SEMA3A: variants seen among roughly 807,000 people sequenced by gnomAD.
The protein encoded by SEMA3A is semaphorin 3A.
A neutral mutation model predicts 97.9 loss-of-function variants in SEMA3A; 29 were observed. That is an observed-to-expected ratio of 0.30 (90% CI 0.22 to 0.40). The LOEUF (loss-of-function observed/expected upper bound fraction) is 0.40. SEMA3A is among the 10% of genes least tolerant of loss of function. SEMA3A has a pLI of 1.00. For synonymous variants in SEMA3A, 321 were observed against 323.7 expected (o/e 0.99, Z 0.09); for missense variants, 763 against 951.3 (o/e 0.80, Z 2.60).
At position 84,110,609 on chromosome 7, in the gene SEMA3A, C is replaced by A; in HGVS notation, c.334-20G>T. 6.2e-7 allele frequency: 1 copy of A among 1,612,966 alleles called. No individual in the cohort carries two copies. The highest frequency in any genetic ancestry group is 8.5e-7 in the Non-Finnish European group (1 of 1,179,370). On this transcript the variant is annotated intron_variant, in intron 3 of 16. Transcript: ENST00000265362. ...TTCTTTCTGTAAGACAAAAGGAAAA[C>A]CAAAGAGTTTCAGCAATCAGCATGA...
intron 3 of SEMA3A, among the ~76,000 whole-genome samples, chr7:84,112,183 G>A (rs1473129351): frequency 6.6e-6 from 1 of 152,110 alleles, no homozygotes; most frequent in Non-Finnish European, 1.5e-5. Context: ...AAACACATAG[G>A]TGGCCACATA....
At chr7:84,240,527 GA>G (rs1799334608) in intron 3 of SEMA3A, among the ~76,000 whole-genome samples, 1 of 152,198 alleles carries the variant, frequency 6.6e-6, no homozygotes, top group African/African-American at 2.4e-5. Context: ...GGCCACGAGA[GA>G]GGGAAGATAA....
chr7:84,392,033 A>G (rs1803593947), intron 1 of SEMA3A, among the ~76,000 whole-genome samples: 1 of 152,028 alleles, frequency 6.6e-6, no homozygotes, highest in Non-Finnish European at 1.5e-5. Context: ...ATAATTTTTG[A>G]ATACAATGTG....
rs372829601 is a variant in SEMA3A at position 84,034,244 on chromosome 7, G to A, written c.667+12080C>T. Among the ~76,000 whole-genome samples, 13 of 152,150 alleles carry A rather than the reference G, an allele frequency of 8.5e-5. No individual in the cohort carries two copies. In the East Asian group the frequency reaches 2.3e-3, roughly 27 times the overall value. ...AGGGATCCGCCTGCCTCGGCCTCCC[G>A]AATTACTGAGATTACAGGCATGAGC... On this transcript the variant is annotated intron_variant, in intron 6 of 16. Transcript: ENST00000265362.
chr7:84,104,971 TTA>T (rs1320410689), intron 4 of SEMA3A, among the ~76,000 whole-genome samples: 1 of 152,154 alleles, frequency 6.6e-6, no homozygotes, highest in Non-Finnish European at 1.5e-5. Flanking sequence ...ACTATGGACT[TTA>T]ATCACATTTG....
chr7:84,425,796 C>A (rs1400068829), intron 1 of SEMA3A, among the ~76,000 whole-genome samples: 1 of 148,358 alleles, frequency 6.7e-6, no homozygotes, highest in South Asian at 2.1e-4. Flanking sequence ...TATGGTGAAA[C>A]CCCGTCTTTG....
intron 6 of SEMA3A, among the ~76,000 whole-genome samples, chr7:84,031,719 TC>T (rs1473440494): frequency 6.6e-6 from 1 of 151,758 alleles, no homozygotes; most frequent in African/African-American, 2.4e-5. Context: ...GCCTGTAATC[TC>T]AGCTACTCGG....
intron 1 of SEMA3A, among the ~76,000 whole-genome samples, chr7:84,425,265 T>TA (rs1804770559): frequency 8.1e-6 from 1 of 123,730 alleles, no homozygotes; most frequent in African/African-American, 3.2e-5. Context: ...AATATAATTT[T>TA]AAATATGTAT....
chr7:84,040,065 A>T (rs1792080851), intron 6 of SEMA3A, among the ~76,000 whole-genome samples: 2 of 152,166 alleles, frequency 1.3e-5, no homozygotes, highest in South Asian at 4.1e-4. Context: ...AAATTTAAAT[A>T]TTATATGACC....
intron 2 of SEMA3A, among the ~76,000 whole-genome samples, chr7:84,354,643 A>T (rs1466070537): frequency 6.6e-6 from 1 of 151,628 alleles, no homozygotes; most frequent in Non-Finnish European, 1.5e-5. Context: ...CACTGCAGAA[A>T]TTTTTCTGCC....
chr7:83,977,185 C>T lies in SEMA3A; in HGVS notation c.1664G>A (p.Arg555Gln). Residue 555 changes from arginine (R) to glutamine (Q), a missense_variant, in exon 15 of 17, where the codon CGA (arginine) becomes CAA (glutamine). Transcript: ENST00000265362. Reference sequence around the variant, plus strand: ...TGGGTCTCCATTTCTTATATCTTGTCGTCTTGTGCGTCTGAAGCAATTACA... The same window carrying T: ...TGGGTCTCCATTTCTTATATCTTGTTGTCTTGTGCGTCTGAAGCAATTACA... ...YFPTAKRRTR[R>Q]QDIRNGDPLT... 6.3e-7 allele frequency: 1 copy of T among 1,583,640 alleles called. No individual in the cohort carries two copies. Among genetic ancestry groups the T allele is most frequent in the Non-Finnish European group, 8.6e-7 (1 of 1,161,080 alleles).
intron 2 of SEMA3A, among the ~76,000 whole-genome samples, chr7:84,132,556 T>C (rs1444269454): frequency 6.6e-6 from 1 of 151,770 alleles, no homozygotes; most frequent in Non-Finnish European, 1.5e-5. Flanking sequence ...TGTAGATATA[T>C]ACATATATGA....
intron 15 of SEMA3A, among the ~76,000 whole-genome samples, chr7:83,966,166 T>A (rs541552342): frequency 6.6e-6 from 1 of 152,054 alleles, no homozygotes; most frequent in Non-Finnish European, 1.5e-5. Context: ...CCAGAAAACA[T>A]GTAAAAATAG....
At chr7:84,401,334 A>T (rs1282744100) in intron 1 of SEMA3A, among the ~76,000 whole-genome samples, 1 of 152,168 alleles carries the variant, frequency 6.6e-6, no homozygotes, top group Non-Finnish European at 1.5e-5. Flanking sequence ...AAATGATAAA[A>T]TGCTAACGAA....
chr7:83,995,092 G>A (rs1007492874), intron 12 of SEMA3A, among the ~76,000 whole-genome samples: 2 of 152,080 alleles, frequency 1.3e-5, no homozygotes, highest in African/African-American at 4.8e-5. Context: ...GGTGCCATCC[G>A]TCACCCCTTT....
At chr7:84,031,530 G>T (rs933368681) in intron 6 of SEMA3A, among the ~76,000 whole-genome samples, 1 of 151,906 alleles carries the variant, frequency 6.6e-6, no homozygotes, top group Non-Finnish European at 1.5e-5. Context: ...ATAACTTATT[G>T]TTTTTTGTAT....
chr7:84,045,210 T>C (rs73187453), intron 6 of SEMA3A, among the ~76,000 whole-genome samples: 7,330 of 152,004 alleles, frequency 0.048, 285 homozygotes, highest in East Asian at 0.19. Flanking sequence ...GCAGGAAAAC[T>C]AAGTGTGGCA....
intron 1 of SEMA3A, among the ~76,000 whole-genome samples, chr7:84,154,446 G>T (rs1246555549): frequency 1.3e-5 from 2 of 152,142 alleles, no homozygotes; most frequent in East Asian, 3.9e-4. Flanking sequence ...GGAAGGCCCA[G>T]GCAAGTGGAT....
In SEMA3A at chr7:84,385,419, T is replaced by C. The variant is rs370257170; in HGVS notation, c.-245-13519A>G. ...AGTCCAAGGAGTTTTCCCAGTTAAC[T>C]TCCTGCTCATGGAAACTTTTAAATC... On this transcript the variant is annotated intron_variant, in intron 1 of 3. Transcript: ENST00000424555. 5.3e-5 allele frequency among the ~76,000 whole-genome samples: 8 copies of C among 152,296 alleles called. 1 individual carries two copies. Among genetic ancestry groups the C allele is most frequent in the Admixed American group, 2.0e-4 (3 of 15,290 alleles).
Sources: gnomAD v4.1 joint callset for allele counts (sites outside exome capture counted in the v4.1 genomes callset) on GRCh38, gnomAD v4.1.1 for gene constraint, MANE v1.5 for transcripts, NCBI Gene and HGNC (gene_info 2026-07-23, HGNC 2026-07-21) for gene names.